Variants in MYO1H observed in about 807,000 individuals in gnomAD.
The protein encoded by MYO1H is unconventional myosin-Ih.
MYO1H carries 118 observed loss-of-function variants against 149.3 expected under a neutral mutation model. The ratio of observed to expected loss-of-function variants is 0.79; its 90% CI spans 0.68 to 0.92. MYO1H has a LOEUF of 0.92. Among genes scored for constraint, MYO1H ranks in the 40% least tolerant of loss-of-function variants. The probability of loss-of-function intolerance (pLI) is 0.00; values close to 1 mark genes in which losing one functional copy is unlikely to be tolerated. For synonymous variants in MYO1H, 447 were observed against 465.2 expected, an observed-to-expected ratio of 0.96 and a Z score of 0.50; for missense variants, 1,212 against 1,280.7, an observed-to-expected ratio of 0.95 and a Z score of 0.82.
chr12:109,417,333 CTGTTA>C (rs1282578565), intron 15 of MYO1H, among the ~76,000 whole-genome samples: 1 of 152,062 alleles, frequency 6.6e-6, no homozygotes, highest in East Asian at 1.9e-4. Flanking sequence ...TTCTATATAT[CTGTTA>C]TGTTCTATAT....
intron 1 of MYO1H, among the ~76,000 whole-genome samples, chr12:109,378,781 A>T (rs1226455288): frequency 6.6e-6 from 1 of 152,062 alleles, no homozygotes; most frequent in East Asian, 1.9e-4. Flanking sequence ...GTGTGAGAGG[A>T]AGCAAGAGAG....
At position 109,410,685 on chromosome 12, in the gene MYO1H, T is replaced by C. The variant is rs1347765595; in HGVS notation, c.1330-3T>C. 1 of 1,591,116 alleles carries C rather than the reference T, an allele frequency of 6.3e-7. No homozygotes were observed. Among genetic ancestry groups the C allele is most frequent in the Admixed American group, 1.7e-5 (1 of 58,016 alleles). On this transcript the variant is annotated splice_polypyrimidine_tract_variant and splice_region_variant and intron_variant, in intron 12 of 31. Transcript: ENST00000310903. ...GAGAATTCATTCCTCTTTGTCATTT[T>C]AGTGGGAGCCAATTAAATATTTCAA...
chr12:109,348,872 C>T (rs1205234222), intron 1 of MYO1H, among the ~76,000 whole-genome samples: 1 of 152,202 alleles, frequency 6.6e-6, no homozygotes, highest in Admixed American at 6.5e-5. Flanking sequence ...TAGCTGTTCA[C>T]AGAAGCCTCA....
At chr12:109,436,691 G>A in intron 22 of MYO1H, 135 bp downstream of exon 22, 1 of 620,944 alleles carries the variant, frequency 1.6e-6, no homozygotes. Context: ...CAGTTCTGGG[G>A]CCTCTTCTCA....
chr12:109,447,218 T>C lies in MYO1H; in HGVS notation c.*36T>C, dbSNP rs375618307. The C allele has an allele frequency of 8.3e-5, 131 of 1,575,762 alleles. No individual in the cohort carries two copies. In the African/African-American group the frequency reaches 1.6e-3, roughly 19 times the overall value. ...CGTCTGACCTCTACCATCGCCATTT[T>C]TGCTCCAACTGAGGAAACTACAGGG... On this transcript the variant is annotated 3_prime_UTR_variant, in exon 32 of 32. Coordinates refer to ENST00000310903, the Ensembl canonical transcript of MYO1H.
the MYO1H span, among the ~76,000 whole-genome samples, chr12:109,342,331 G>T: frequency 8.6e-5 from 13 of 151,924 alleles, no homozygotes; most frequent in Non-Finnish European, 1.5e-4. Flanking sequence ...TTTTAGTAGA[G>T]ATGGGGTTTC....
intron 14 of MYO1H, among the ~76,000 whole-genome samples, chr12:109,414,476 CAAAA>C (rs1158287635): frequency 5.2e-5 from 3 of 57,394 alleles, no homozygotes; most frequent in Non-Finnish European, 7.2e-5. Context: ...GACTCCATCT[CAAAA>C]AAAAAAAAAA....
chr12:109,319,478 G>GA, the MYO1H span, among the ~76,000 whole-genome samples: 1 of 152,168 alleles, frequency 6.6e-6, no homozygotes. Flanking sequence ...TTTCAAGATG[G>GA]AAAAACTTCT....
intron 31 of MYO1H, chr12:109,446,919 G>GTC (rs1362680819): frequency 2.2e-5 from 13 of 592,694 alleles, no homozygotes; most frequent in African/African-American, 1.9e-4. Flanking sequence ...CAGAGACTGT[G>GTC]TCTCTCTCCT....
At chr12:109,408,006 C>T in intron 10 of MYO1H, 93 bp downstream of exon 10, 1 of 1,516,424 alleles carries the variant, frequency 6.6e-7, no homozygotes, top group Non-Finnish European at 9.1e-7. Flanking sequence ...GGAGAATGAA[C>T]TGTGGGCGCC....
intron 1 of MYO1H, among the ~76,000 whole-genome samples, chr12:109,365,368 G>A (rs759027192): frequency 2.0e-5 from 3 of 152,228 alleles, no homozygotes; most frequent in Non-Finnish European, 4.4e-5. Flanking sequence ...TTCCAGTTCC[G>A]TCATGAAACT....
chr12:109,421,923 T>C (rs1476811219), intron 16 of MYO1H, among the ~76,000 whole-genome samples: 1 of 152,110 alleles, frequency 6.6e-6, no homozygotes, highest in Non-Finnish European at 1.5e-5. Flanking sequence ...CCTCCTGGGC[T>C]CGAGTGATCC....
chr12:109,408,245 A>G (rs951636602), intron 10 of MYO1H, among the ~76,000 whole-genome samples: 4 of 152,090 alleles, frequency 2.6e-5, no homozygotes, highest in Non-Finnish European at 5.9e-5. Flanking sequence ...TGCAATCATA[A>G]CTTGCAACTT....
At chr12:109,447,288 G>C (rs1224320341) in exon 32 of MYO1H, 1 of 991,390 alleles carries the variant, frequency 1.0e-6, no homozygotes, top group East Asian at 2.6e-5. Flanking sequence ...AAGGTACCAG[G>C]CCCGCAGCAC....
rs1156530275 is a variant in MYO1H, at chr12:109,443,171, CGTATGTGT to C, written c.2689-338_2689-331del. ...GTACGTATGTGTGTGTATATGTGTA[CGTATGTGT>C]GTATATGTGTACGTATATGTGTGTA... On this transcript the variant is annotated intron_variant, in intron 27 of 31. Transcript: ENST00000310903. Among the ~76,000 whole-genome samples, 4 of 68,950 alleles carry C rather than the reference CGTATGTGT, an allele frequency of 5.8e-5. 1 individual carries two copies. The highest frequency in any genetic ancestry group is 1.2e-4 in the Non-Finnish European group (4 of 33,212). The allele number at this position is 68,950 out of a possible 152,430, so 45.2% of individuals were successfully genotyped here.
chr12:109,376,119 TCATACAC>T (rs139225524), intron 1 of MYO1H, among the ~76,000 whole-genome samples: 5,000 of 152,248 alleles, frequency 0.033, 277 homozygotes, highest in African/African-American at 0.11. Context: ...GAAATACAAT[TCATACAC>T]CATACAATTT....
At chr12:109,393,645 G>A (rs942950215) in intron 3 of MYO1H, among the ~76,000 whole-genome samples, 199 bp downstream of exon 3, 4 of 149,398 alleles carry the variant, frequency 2.7e-5, no homozygotes, top group South Asian at 2.1e-4. Context: ...CCATCCATCC[G>A]CCTATCCATC....
chr12:109,444,264 C>T, exon 29 of MYO1H: 1 of 1,613,756 alleles, frequency 6.2e-7, no homozygotes, highest in Non-Finnish European at 8.5e-7. Flanking sequence ...CATGTTTCAC[C>T]AGAGGACAGC....
upstream of MYO1H, among the ~76,000 whole-genome samples, chr12:109,345,515 G>T (rs1338112477): frequency 6.6e-6 from 1 of 152,258 alleles, no homozygotes; most frequent in Non-Finnish European, 1.5e-5. Context: ...TGGTGGGAAT[G>T]TAAAATGATG....
Sources: gnomAD v4.1 joint callset for allele counts (sites outside exome capture counted in the v4.1 genomes callset) on GRCh38, gnomAD v4.1.1 for gene constraint, MANE v1.5 for transcripts, NCBI Gene and HGNC (gene_info 2026-07-23, HGNC 2026-07-21) for gene names.